Variants in ENTREP2 observed in about 807,000 individuals in gnomAD.
ENTREP2 encodes protein ENTREP2.
the ENTREP2 span, among the ~76,000 whole-genome samples, chr15:29,350,501 A>T: frequency 6.6e-6 from 1 of 152,066 alleles, no homozygotes; most frequent in South Asian, 2.1e-4. Flanking sequence ...TCTTTTTGTG[A>T]ATGTATGCAT....
chr15:29,325,860 A>T, the ENTREP2 span, among the ~76,000 whole-genome samples: 1 of 152,192 alleles, frequency 6.6e-6, no homozygotes, highest in Admixed American at 6.5e-5. Context: ...TATTAGCAAG[A>T]CTAAAAATGT....
chr15:29,413,635 A>C, the ENTREP2 span, among the ~76,000 whole-genome samples: 1 of 152,174 alleles, frequency 6.6e-6, no homozygotes, highest in African/African-American at 2.4e-5. Flanking sequence ...CACAACCCCT[A>C]CATACGTACG....
At chr15:29,376,132 G>C in the ENTREP2 span, 1 of 151,378 alleles carries the variant, frequency 6.6e-6, no homozygotes, top group Non-Finnish European at 1.5e-5. Flanking sequence ...TTTGTTATTG[G>C]TAAAAATAAA....
the ENTREP2 span, among the ~76,000 whole-genome samples, chr15:29,497,008 G>A: frequency 6.6e-6 from 1 of 152,164 alleles, no homozygotes; most frequent in Non-Finnish European, 1.5e-5. Flanking sequence ...AACAGTATTA[G>A]GAAGTAGGGC....
the ENTREP2 span, among the ~76,000 whole-genome samples, chr15:29,451,974 C>T: frequency 1.3e-5 from 2 of 152,354 alleles, no homozygotes; most frequent in East Asian, 3.9e-4. Context: ...TGTGTATTCA[C>T]TAAAGGGTTT....
chr15:29,243,368 C>G, the ENTREP2 span, among the ~76,000 whole-genome samples: 1 of 152,196 alleles, frequency 6.6e-6, no homozygotes, highest in South Asian at 2.1e-4. Flanking sequence ...AAAAGTCTAA[C>G]TACCTAAAAA....
At chr15:29,155,126 CA>C in the ENTREP2 span, among the ~76,000 whole-genome samples, 57,134 of 150,626 alleles carry the variant, frequency 0.38, 13,369 homozygotes, top group Non-Finnish European at 0.53. Context: ...ACTAAAAATA[CA>C]AAAAATTAGT....
chr15:29,673,222 G>A, the ENTREP2 span, among the ~76,000 whole-genome samples: 1 of 152,150 alleles, frequency 6.6e-6, no homozygotes, highest in South Asian at 2.1e-4. Context: ...CGCCATCTTG[G>A]TTTTGGTGGG....
the ENTREP2 span, among the ~76,000 whole-genome samples, chr15:29,528,022 T>C: frequency 6.6e-6 from 1 of 152,056 alleles, no homozygotes; most frequent in Non-Finnish European, 1.5e-5. Flanking sequence ...CATTCATCCA[T>C]TTGGCAAACA....
At chr15:29,415,253 T>C in the ENTREP2 span, among the ~76,000 whole-genome samples, 1 of 152,166 alleles carries the variant, frequency 6.6e-6, no homozygotes, top group Non-Finnish European at 1.5e-5. Flanking sequence ...AAATCCTCAA[T>C]AAAATACTGG....
At chr15:29,287,416 A>G in the ENTREP2 span, among the ~76,000 whole-genome samples, 1 of 150,554 alleles carries the variant, frequency 6.6e-6, no homozygotes, top group Non-Finnish European at 1.5e-5. Context: ...AAAAAAGAAA[A>G]CCCATGGAAT....
chr15:29,642,543 A>T, the ENTREP2 span, among the ~76,000 whole-genome samples: 21 of 147,848 alleles, frequency 1.4e-4, no homozygotes, highest in African/African-American at 5.2e-4. Flanking sequence ...TATCATATGT[A>T]CATATATACA....
At chr15:29,412,899 T>G in the ENTREP2 span, among the ~76,000 whole-genome samples, 7 of 152,186 alleles carry the variant, frequency 4.6e-5, no homozygotes, top group Admixed American at 3.3e-4. Context: ...CCTATTCTTA[T>G]GTATTGTGTT....
At chr15:29,444,759 C>T in the ENTREP2 span, among the ~76,000 whole-genome samples, 1 of 152,296 alleles carries the variant, frequency 6.6e-6, no homozygotes, top group South Asian at 2.1e-4. Context: ...GCCATCACAC[C>T]TGGCCGGCAG....
the ENTREP2 span, among the ~76,000 whole-genome samples, chr15:29,657,252 G>A: frequency 2.0e-5 from 3 of 151,442 alleles, no homozygotes; most frequent in South Asian, 2.1e-4. Flanking sequence ...GTGGCTACAG[G>A]GTTTCACCGT....
the ENTREP2 span, among the ~76,000 whole-genome samples, chr15:29,371,942 A>AGATAGATAGATG: frequency 6.6e-6 from 1 of 152,106 alleles, no homozygotes; most frequent in Admixed American, 6.5e-5. Context: ...ATAGATAGAT[A>AGATAGATAGATG]GATAGATAAA....
the ENTREP2 span, among the ~76,000 whole-genome samples, chr15:29,370,725 T>A: frequency 6.6e-6 from 1 of 152,050 alleles, no homozygotes; most frequent in Non-Finnish European, 1.5e-5. Context: ...GTGCCCCAGG[T>A]GTTCTGAAGT....
chr15:29,367,158 T>C, the ENTREP2 span, among the ~76,000 whole-genome samples: 2 of 152,304 alleles, frequency 1.3e-5, no homozygotes, highest in South Asian at 2.1e-4. Context: ...GTAAGAACAG[T>C]AGGATTTGGG....
At chr15:29,544,098 T>C in the ENTREP2 span, among the ~76,000 whole-genome samples, 1 of 152,174 alleles carries the variant, frequency 6.6e-6, no homozygotes, top group Non-Finnish European at 1.5e-5. Flanking sequence ...ATTCCATACA[T>C]GTAAATATAA....
Sources: allele counts gnomAD v4.1 joint callset (sites outside exome capture counted in the v4.1 genomes callset), GRCh38; gene constraint gnomAD v4.1.1; transcripts MANE v1.5; gene names NCBI Gene and HGNC (gene_info 2026-07-23, HGNC 2026-07-21).